Variants in FAM240B observed in about 807,000 individuals in gnomAD.
FAM240B encodes the protein family with sequence similarity 240 member B.
intron 1 of FAM240B, among the ~76,000 whole-genome samples, chr9:38,709,993 C>A (rs148492569): frequency 6.6e-6 from 1 of 152,222 alleles, no homozygotes; most frequent in East Asian, 1.9e-4. Context: ...GTTGTTGAGA[C>A]GGAGTCTTGC....
At chr9:38,706,204 A>ATAGC (rs78755743) in intron 1 of FAM240B, among the ~76,000 whole-genome samples, 21,109 of 152,162 alleles carry the variant, frequency 0.14, 1,615 homozygotes, top group East Asian at 0.22. Flanking sequence ...ACATTGTGGA[A>ATAGC]TAGCTAAATC....
At chr9:38,704,750 C>T (rs897001400) in intron 1 of FAM240B, among the ~76,000 whole-genome samples, 2 of 152,114 alleles carry the variant, frequency 1.3e-5, no homozygotes, top group African/African-American at 2.4e-5. Context: ...CGATGTGGGC[C>T]GGGCACGCTT....
chr9:38,701,338 G>A (rs919132024), intron 2 of FAM240B, among the ~76,000 whole-genome samples: 2 of 152,122 alleles, frequency 1.3e-5, no homozygotes, highest in South Asian at 2.1e-4. Flanking sequence ...TCAGCTCAGC[G>A]GGGATTTAAG....
chr9:38,700,841 G>T (rs1221364183), intron 2 of FAM240B, among the ~76,000 whole-genome samples: 1 of 152,216 alleles, frequency 6.6e-6, no homozygotes, highest in Non-Finnish European at 1.5e-5. Context: ...GCCAGATACA[G>T]CATATCAGTT....
At chr9:38,714,686 G>C (rs1032553480) in intron 1 of FAM240B, among the ~76,000 whole-genome samples, 1 of 152,216 alleles carries the variant, frequency 6.6e-6, no homozygotes, top group Non-Finnish European at 1.5e-5. Flanking sequence ...GTCTATTCAT[G>C]AGAAAACTGA....
At chr9:38,696,808 C>T (rs963308628) in intron 2 of FAM240B, among the ~76,000 whole-genome samples, 3 of 151,944 alleles carry the variant, frequency 2.0e-5, no homozygotes, top group Non-Finnish European at 2.9e-5. Flanking sequence ...ACGGAGACAC[C>T]GTCTCAAAAA....
At chr9:38,708,737 C>T (rs1276332353) in intron 1 of FAM240B, among the ~76,000 whole-genome samples, 1 of 152,200 alleles carries the variant, frequency 6.6e-6, no homozygotes, top group Non-Finnish European at 1.5e-5. Flanking sequence ...CAATGCATCT[C>T]CTGATCCCTG....
intron 1 of FAM240B, among the ~76,000 whole-genome samples, chr9:38,707,114 AT>A (rs35806188): frequency 6.6e-6 from 1 of 152,212 alleles, no homozygotes; most frequent in Non-Finnish European, 1.5e-5. Flanking sequence ...ATTTTCACAG[AT>A]TTTTTTAAAT....
intron 2 of FAM240B, among the ~76,000 whole-genome samples, chr9:38,698,652 T>C (rs10973979): frequency 0.024 from 3,609 of 152,290 alleles, 130 homozygotes; most frequent in African/African-American, 0.08. Flanking sequence ...CATACACATC[T>C]ACTCTCCTCT....
chr9:38,698,552 C>T (rs1265772428), intron 2 of FAM240B, among the ~76,000 whole-genome samples: 1 of 152,190 alleles, frequency 6.6e-6, no homozygotes. Flanking sequence ...ATACACAATA[C>T]ATTTTTCCTC....
At chr9:38,699,210 G>A (rs1821096425) in intron 2 of FAM240B, among the ~76,000 whole-genome samples, 1 of 152,184 alleles carries the variant, frequency 6.6e-6, no homozygotes, top group Non-Finnish European at 1.5e-5. Flanking sequence ...TCCTTGATAA[G>A]TCCGGGGCTT....
chr9:38,710,672 AGGTCTGCCCCCACTAAGT>A lies in FAM240B; in HGVS notation c.-3-6688_-3-6671del, dbSNP rs60939153. On this transcript the variant is annotated intron_variant, in intron 1 of 2. Transcript: ENST00000637493. ...GTGGAAGTGAGTTCAGAAATGGAGC[AGGTCTGCCCCCACTAAGT>A]GGTCAGACAAAACTGCCCACAGTAT... 0.013 allele frequency among the ~76,000 whole-genome samples: 1,990 copies of A among 152,330 alleles called. 145 individuals carry two copies. In the East Asian group the frequency reaches 0.24, roughly 18 times the overall value.
chr9:38,718,729 A>G (rs1821335886), intron 1 of FAM240B, among the ~76,000 whole-genome samples: 1 of 146,892 alleles, frequency 6.8e-6, no homozygotes, highest in Non-Finnish European at 1.5e-5. Context: ...CTAATAGGAC[A>G]TATACATAGT....
intron 1 of FAM240B, among the ~76,000 whole-genome samples, chr9:38,708,371 G>A (rs982820002): frequency 1.3e-5 from 2 of 152,056 alleles, no homozygotes; most frequent in Admixed American, 6.6e-5. Flanking sequence ...GTTCAGGCTC[G>A]CTATTGCTGT....
intron 2 of FAM240B, among the ~76,000 whole-genome samples, chr9:38,695,946 T>C (rs1457370454): frequency 6.6e-6 from 1 of 152,230 alleles, no homozygotes; most frequent in Non-Finnish European, 1.5e-5. Flanking sequence ...GGAGGATGGA[T>C]AGGCTTTTTA....
intron 1 of FAM240B, among the ~76,000 whole-genome samples, chr9:38,712,585 T>A (rs1167111932): frequency 1.3e-5 from 2 of 152,152 alleles, no homozygotes; most frequent in Non-Finnish European, 2.9e-5. Context: ...CCAGAGCTAA[T>A]GATGGGGAGA....
chr9:38,713,233 C>T (rs1821274202), intron 1 of FAM240B, among the ~76,000 whole-genome samples: 1 of 152,122 alleles, frequency 6.6e-6, no homozygotes, highest in Non-Finnish European at 1.5e-5. Context: ...AATCCCAGCA[C>T]TTTGGGAGGC....
intron 2 of FAM240B, among the ~76,000 whole-genome samples, chr9:38,696,113 A>G (rs570745303): frequency 1.3e-5 from 2 of 152,200 alleles, no homozygotes; most frequent in African/African-American, 4.8e-5. Context: ...CCCGGGAAAG[A>G]ATGGGAAGAT....
chr9:38,708,993 G>A (rs764394549), intron 1 of FAM240B, among the ~76,000 whole-genome samples: 17 of 152,068 alleles, frequency 1.1e-4, no homozygotes, highest in Non-Finnish European at 2.1e-4. Flanking sequence ...AGCTCTTGGT[G>A]ATGAGTTTCA....
Sources: allele counts gnomAD v4.1 joint callset (sites outside exome capture counted in the v4.1 genomes callset), GRCh38; gene constraint gnomAD v4.1.1; transcripts MANE v1.5; gene names NCBI Gene and HGNC (gene_info 2026-07-23, HGNC 2026-07-21).